RAC2: variants seen among roughly 807,000 people sequenced by gnomAD.
RAC2 encodes the protein ras-related C3 botulinum toxin substrate 2.
Under a neutral mutation model 24.0 loss-of-function variants are expected in RAC2, and 1 was observed. The observed-to-expected ratio is 0.04, with a 90% CI of 0.01 to 0.20. The LOEUF (loss-of-function observed/expected upper bound fraction) is 0.20. Ranked by LOEUF, RAC2 falls within the 10% of genes least tolerant of loss-of-function variation. RAC2 has a pLI of 1.00. For missense variants in RAC2, 130 were observed against 259.1 expected, an observed-to-expected ratio of 0.50 and a Z score of 3.42; for synonymous variants, 114 against 106.8, an observed-to-expected ratio of 1.07 and a Z score of -0.41.
chr22:37,243,047 T>C (rs2213431), intron 1 of RAC2, among the ~76,000 whole-genome samples: 63,549 of 152,090 alleles, frequency 0.42, 13,461 homozygotes, highest in African/African-American at 0.46. Flanking sequence ...TCACCCAGGC[T>C]GACTGCAGTG....
chr22:37,236,216 C>G (rs1415214724), intron 2 of RAC2, among the ~76,000 whole-genome samples: 1 of 152,220 alleles, frequency 6.6e-6, no homozygotes, highest in Non-Finnish European at 1.5e-5. Context: ...CTGGGAGATG[C>G]TGAGAAGCTA....
At chr22:37,241,495 G>A (rs1282022152) in intron 2 of RAC2, 92 bp downstream of exon 2, 1 of 1,334,654 alleles carries the variant, frequency 7.5e-7, no homozygotes, top group Non-Finnish European at 1.1e-6. Flanking sequence ...GCCCACACAG[G>A]GTCTGGCCCA....
chr22:37,236,040 C>G (rs1030815571), intron 2 of RAC2, among the ~76,000 whole-genome samples: 1 of 152,178 alleles, frequency 6.6e-6, no homozygotes, highest in Non-Finnish European at 1.5e-5. Context: ...TCTTGTTGGG[C>G]GGGAACACAG....
intron 2 of RAC2, among the ~76,000 whole-genome samples, chr22:37,238,194 T>C (rs1344252616): frequency 6.6e-6 from 1 of 152,084 alleles, no homozygotes; most frequent in East Asian, 1.9e-4. Context: ...CAGGAGAGAT[T>C]TAGGCCAGGT....
intron 3 of RAC2, 85 bp from the exon 4 acceptor site, chr22:37,232,079 C>T: frequency 7.1e-7 from 1 of 1,407,512 alleles, no homozygotes; most frequent in South Asian, 1.2e-5. Context: ...GAGCTTGGGG[C>T]TCCCTGAGGG....
intron 1 of RAC2, among the ~76,000 whole-genome samples, chr22:37,243,875 G>A (rs1207900019): frequency 6.6e-6 from 1 of 151,928 alleles, no homozygotes; most frequent in African/African-American, 2.4e-5. Context: ...CTCACCCATA[G>A]TCCTGCACCC....
At chr22:37,235,807 T>G (rs960311923) in intron 2 of RAC2, among the ~76,000 whole-genome samples, 6 of 152,220 alleles carry the variant, frequency 3.9e-5, no homozygotes, top group African/African-American at 1.4e-4. Flanking sequence ...CCCCACAAGA[T>G]TCACCTGTCT....
At chr22:37,233,301 G>A (rs1373022694) in intron 2 of RAC2, among the ~76,000 whole-genome samples, 1 of 151,554 alleles carries the variant, frequency 6.6e-6, no homozygotes, top group Admixed American at 6.6e-5. Context: ...TTTGTTTTTT[G>A]AAATGGAATC....
intron 2 of RAC2, among the ~76,000 whole-genome samples, chr22:37,240,033 G>A (rs929979617): frequency 6.6e-6 from 1 of 152,222 alleles, no homozygotes; most frequent in Non-Finnish European, 1.5e-5. Flanking sequence ...TCTCTGCTAG[G>A]GTTTCCCTGC....
chr22:37,237,798 C>A (rs1431206643), intron 2 of RAC2, among the ~76,000 whole-genome samples: 1 of 151,960 alleles, frequency 6.6e-6, no homozygotes, highest in Non-Finnish European at 1.5e-5. Context: ...GGGAGTGAGG[C>A]AGATAAGGGC....
intron 2 of RAC2, among the ~76,000 whole-genome samples, chr22:37,233,764 T>C (rs1215424178): frequency 1.3e-5 from 2 of 152,186 alleles, no homozygotes; most frequent in African/African-American, 4.8e-5. Context: ...GGTTGAGTTG[T>C]CATGGCTGTG....
At position 37,232,744 on chromosome 22, in the gene RAC2, G is replaced by T; in HGVS notation, c.225+57C>A. Reference sequence around the variant, plus strand: ...TGAGCTGGCTGGAAGGGCATCCCAAGCAGAGGGAACAGAGACAGCAAAGGT... The same window carrying T: ...TGAGCTGGCTGGAAGGGCATCCCAATCAGAGGGAACAGAGACAGCAAAGGT... On this transcript the variant is annotated intron_variant, in intron 3 of 6. Coordinates refer to ENST00000249071, the MANE Select transcript of RAC2 (RefSeq NM_002872.5). The T allele has an allele frequency of 4.8e-6, 7 of 1,450,250 alleles. No individual in the cohort carries two copies. The South Asian group carries it at 6.9e-5, about 14-fold the overall frequency. 89.8% of individuals were successfully genotyped at this position (1,450,250 alleles called of 1,614,324 possible).
At chr22:37,232,690 C>T in intron 3 of RAC2, 111 bp downstream of exon 3, 1 of 881,322 alleles carries the variant, frequency 1.1e-6, no homozygotes, top group South Asian at 1.4e-5. Context: ...TGAGCTGGGC[C>T]TTAAGGGGAG....
intron 2 of RAC2, among the ~76,000 whole-genome samples, chr22:37,238,812 G>A (rs11704316): frequency 0.15 from 22,624 of 152,238 alleles, 1,920 homozygotes; most frequent in Non-Finnish European, 0.2. Context: ...AGCCAATCAC[G>A]GTGCAGCCCC....
chr22:37,232,603 C>T (rs1437348152), intron 3 of RAC2, 198 bp downstream of exon 3: 23 of 610,338 alleles, frequency 3.8e-5, no homozygotes, highest in South Asian at 1.7e-4. Flanking sequence ...CATTGAGGAC[C>T]GGGAACCAAT....
rs752897291 is a variant in RAC2, at chr22:37,226,742, G to A, written c.510C>T (p.Asp170=). The A allele has an allele frequency of 2.2e-5, 35 of 1,613,032 alleles. No individual in the cohort carries two copies. Among genetic ancestry groups the A allele is most frequent in the Admixed American group, 8.3e-5 (5 of 59,940 alleles). Residue 170 remains aspartate, a synonymous_variant, in exon 6 of 7, where the codon GAC becomes GAT. Transcript: ENST00000249071. ...LTQRGLKTVF[D]EAIRAVLCPQ... ...GGCACAGCACGGCCCGGATGGCCTC[G>A]TCGAACACGGTTTTCAGGCCTCTCT...
rs73881655 is a variant in RAC2, at chr22:37,243,986, T to A, written c.35+128A>T. 0.016 allele frequency: 20,494 copies of A among 1,283,672 alleles called. 2,000 individuals carry two copies. The African/African-American group carries it at 0.24, about 15-fold the overall frequency. The allele number at this position is 1,283,672 out of a possible 1,614,324, so 79.5% of individuals were successfully genotyped here. Reference sequence around the variant, plus strand: ...CTGTGGGCCCTCGGAGAAGGAAGCGTCCCCTCCAAGCTGCCTTCCAGGGAC... The same window carrying A: ...CTGTGGGCCCTCGGAGAAGGAAGCGACCCCTCCAAGCTGCCTTCCAGGGAC... On this transcript the variant is annotated intron_variant, in intron 1 of 6. Coordinates refer to ENST00000249071, the MANE Select transcript of RAC2 (RefSeq NM_002872.5).
chr22:37,242,151 C>T (rs1321050798), intron 1 of RAC2, among the ~76,000 whole-genome samples: 1 of 152,154 alleles, frequency 6.6e-6, no homozygotes. Flanking sequence ...GTAAATCCAA[C>T]GAGGCCTATC....
intron 3 of RAC2, 49 bp downstream of exon 3, chr22:37,232,752 A>T: frequency 6.7e-7 from 1 of 1,499,776 alleles, no homozygotes. Context: ...AAGCAGAGGG[A>T]ACAGAGACAG....
Sources: gnomAD v4.1 joint callset for allele counts (sites outside exome capture counted in the v4.1 genomes callset) on GRCh38, gnomAD v4.1.1 for gene constraint, MANE v1.5 for transcripts, NCBI Gene and HGNC (gene_info 2026-07-23, HGNC 2026-07-21) for gene names.